The following BCL2L13 variants were observed in gnomAD, a reference collection of about 807,000 sequenced individuals.
BCL2L13 encodes the protein bcl-2-like protein 13.
In BCL2L13, 13 loss-of-function variants were observed where a neutral mutation model predicts 25.8. The observed-to-expected ratio is 0.50, with a 90% CI of 0.33 to 0.80. The LOEUF (loss-of-function observed/expected upper bound fraction) is 0.80, where lower values mean the gene tolerates loss of function less well. Ranked by LOEUF, BCL2L13 falls within the 30% of genes least tolerant of loss-of-function variation. The pLI, the probability that BCL2L13 is intolerant of heterozygous loss-of-function variation, is 0.02. For missense variants in BCL2L13, 504 were observed against 574.9 expected (o/e 0.88, Z 1.26); for synonymous variants, 244 against 230.3 (o/e 1.06, Z -0.54).
At chr22:17,659,569 G>T (rs1196977952) in intron 2 of BCL2L13, among the ~76,000 whole-genome samples, 4 of 145,206 alleles carry the variant, frequency 2.8e-5, no homozygotes, top group African/African-American at 9.8e-5. Context: ...GCTGAGGCAG[G>T]GGAATGGCGT....
intron 1 of BCL2L13, among the ~76,000 whole-genome samples, chr22:17,629,641 A>G (rs2057962832): frequency 1.3e-5 from 2 of 152,128 alleles, no homozygotes; most frequent in Admixed American, 1.3e-4. Flanking sequence ...AAGAGGTCAA[A>G]TGGTACACCC....
chr22:17,662,204 C>A (rs775442706), intron 2 of BCL2L13, among the ~76,000 whole-genome samples: 3 of 151,706 alleles, frequency 2.0e-5, no homozygotes, highest in South Asian at 2.1e-4. Flanking sequence ...AGGGGCTGCG[C>A]GTGGTGGCTC....
intron 4 of BCL2L13, chr22:17,695,903 GA>G (rs1338158995): frequency 1.2e-4 from 44 of 354,326 alleles, no homozygotes; most frequent in African/African-American, 8.7e-4. Flanking sequence ...AAAATTACTA[GA>G]ATATACATTT....
At chr22:17,691,445 G>A (rs1443352785) in intron 4 of BCL2L13, among the ~76,000 whole-genome samples, 1 of 152,130 alleles carries the variant, frequency 6.6e-6, no homozygotes, top group Non-Finnish European at 1.5e-5. Flanking sequence ...AGGAGATTGA[G>A]ACCATCCTGG....
chr22:17,679,057 A>C (rs1601624972), intron 2 of BCL2L13, among the ~76,000 whole-genome samples: 1 of 152,158 alleles, frequency 6.6e-6, no homozygotes, highest in East Asian at 1.9e-4. Flanking sequence ...GTTAGTTGCT[A>C]AGTATACAAT....
chr22:17,708,844 T>C (rs528977150), intron 6 of BCL2L13, among the ~76,000 whole-genome samples: 1 of 152,330 alleles, frequency 6.6e-6, no homozygotes, highest in East Asian at 1.9e-4. Context: ...TACTTGTAGA[T>C]ATTATTCTTC....
chr22:17,713,004 T>A (rs2060805104), intron 6 of BCL2L13, among the ~76,000 whole-genome samples: 1 of 152,174 alleles, frequency 6.6e-6, no homozygotes, highest in Non-Finnish European at 1.5e-5. Context: ...GGGCTTCGGG[T>A]ATGGGAGAGA....
chr22:17,647,099 A>AAGTAGT (rs2058522137), intron 1 of BCL2L13, among the ~76,000 whole-genome samples: 1 of 147,786 alleles, frequency 6.8e-6, no homozygotes, highest in Non-Finnish European at 1.5e-5. Context: ...TCAGCCTCCC[A>AAGTAGT]AGTAGCTGGG....
At chr22:17,673,669 G>A (rs1192600793) in intron 2 of BCL2L13, among the ~76,000 whole-genome samples, 4 of 151,744 alleles carry the variant, frequency 2.6e-5, no homozygotes, top group South Asian at 2.1e-4. Flanking sequence ...GAGCCACTGC[G>A]CCCGGCCTTA....
chr22:17,653,756 G>T (rs1220584401), intron 1 of BCL2L13, among the ~76,000 whole-genome samples: 1 of 151,764 alleles, frequency 6.6e-6, no homozygotes, highest in African/African-American at 2.4e-5. Flanking sequence ...CTCCTCCCTT[G>T]TCCTTCCAAA....
intron 2 of BCL2L13, among the ~76,000 whole-genome samples, chr22:17,662,066 G>T (rs1475103238): frequency 6.6e-6 from 1 of 152,006 alleles, no homozygotes; most frequent in Non-Finnish European, 1.5e-5. Context: ...TTTTTTCAGG[G>T]ATATTAGATT....
chr22:17,683,215 G>A lies in BCL2L13; in HGVS notation c.123G>A (p.Gly41=), dbSNP rs2059808531. 6.6e-7 allele frequency: 1 copy of A among 1,510,472 alleles called. No individual in the cohort carries two copies. The highest frequency in any genetic ancestry group is 9.1e-7 in the Non-Finnish European group (1 of 1,095,498). 93.6% of individuals were successfully genotyped at this position (1,510,472 alleles called of 1,614,324 possible). Reference sequence around the variant, plus strand: ...AATAACCTTTTTTGTTGCTTTCAGGGGTTCAACTAGATATAGCTTCACAAT... The same window carrying A: ...AATAACCTTTTTTGTTGCTTTCAGGAGTTCAACTAGATATAGCTTCACAAT... ...LQEQHLSSPQ[G]VQLDIASQSL... The change falls in exon 3 of 7, where the codon GGG becomes GGA. Residue 41 remains glycine (G), a splice_region_variant and synonymous_variant. Transcript: ENST00000317582.
In BCL2L13 at chr22:17,661,304, G is replaced by A. The variant is rs1190726425; in HGVS notation, c.121+5472G>A. Among the ~76,000 whole-genome samples, 2 of 145,218 alleles carry A rather than the reference G, an allele frequency of 1.4e-5. 1 individual carries two copies. The highest frequency in any genetic ancestry group is 3.1e-5 in the Non-Finnish European group (2 of 63,868). On this transcript the variant is annotated intron_variant, in intron 2 of 6. Transcript: ENST00000317582. ...GACAGGGTTTCACTGTCTTGGCCAGGCTGGTCTCGAACTCCTAACCTCGTG... is the reference window on the plus strand; with the variant it reads ...GACAGGGTTTCACTGTCTTGGCCAGACTGGTCTCGAACTCCTAACCTCGTG...
intron 1 of BCL2L13, among the ~76,000 whole-genome samples, chr22:17,642,866 G>T (rs2058342498): frequency 6.6e-6 from 1 of 152,078 alleles, no homozygotes; most frequent in South Asian, 2.1e-4. Flanking sequence ...CAAAGTGCTG[G>T]GATTATAGGC....
intron 6 of BCL2L13, among the ~76,000 whole-genome samples, chr22:17,722,378 GGT>G (rs71315401): frequency 1.1e-3 from 138 of 122,106 alleles, no homozygotes; most frequent in Middle Eastern, 7.6e-3. Flanking sequence ...AGACTACAGG[GGT>G]GTGTGTGTGT....
rs781716065 is a variant in BCL2L13, at chr22:17,726,865, C to T, written c.789C>T (p.His263=). The T allele has an allele frequency of 1.2e-6, 2 of 1,613,982 alleles. No homozygotes were observed. Among genetic ancestry groups the T allele is most frequent in the South Asian group, 2.2e-5 (2 of 91,082 alleles). Reference sequence around the variant, plus strand: ...CACTGTCAGCTAGCCAGAGTTGGCACACAGAAAGCCTGCCAGTGTCACTAG... The same window carrying T: ...CACTGTCAGCTAGCCAGAGTTGGCATACAGAAAGCCTGCCAGTGTCACTAG... The part of the protein sequence containing the change: ...PVSLSASQSW[H]TESLPVSLGP... The change falls in exon 7 of 7, where the codon CAC becomes CAT. Residue 263 remains histidine (H), a synonymous_variant. Transcript: ENST00000317582.
Position 17,726,987 on chromosome 22 carries a change from A to G in BCL2L13, c.911A>G (p.Asn304Ser). ...AGEKSENNSS[N>S]SDIVHVEKEE... Reference sequence around the variant, plus strand: ...GAGAAGAGTGAGAACAACTCCTCTAATTCTGACATTGTGCACGTGGAGAAA... The same window carrying G: ...GAGAAGAGTGAGAACAACTCCTCTAGTTCTGACATTGTGCACGTGGAGAAA... Residue 304 changes from asparagine to serine, a missense_variant, in exon 7 of 7, where the codon AAT (asparagine) becomes AGT (serine). Asn to Ser is a conservative substitution (Grantham distance 46, BLOSUM62 1). Transcript: ENST00000317582. 1.9e-6 allele frequency: 3 copies of G among 1,614,190 alleles called. No homozygotes were observed. The highest frequency in any genetic ancestry group is 2.5e-6 in the Non-Finnish European group (3 of 1,180,038).
intron 4 of BCL2L13, among the ~76,000 whole-genome samples, chr22:17,691,273 C>T (rs1568979173): frequency 6.6e-6 from 1 of 152,198 alleles, no homozygotes; most frequent in Non-Finnish European, 1.5e-5. Context: ...TGCTGCTTCA[C>T]TCCTCTCTCC....
chr22:17,681,358 T>G (rs764658687), intron 2 of BCL2L13, among the ~76,000 whole-genome samples: 1 of 151,754 alleles, frequency 6.6e-6, no homozygotes, highest in Non-Finnish European at 1.5e-5. Flanking sequence ...TACAAAAAAT[T>G]AGGCGGGTGT....
Sources: allele counts gnomAD v4.1 joint callset (sites outside exome capture counted in the v4.1 genomes callset), GRCh38; gene constraint gnomAD v4.1.1; transcripts MANE v1.5; gene names NCBI Gene and HGNC (gene_info 2026-07-23, HGNC 2026-07-21).